NBEA: variants seen among roughly 807,000 people sequenced by gnomAD.
The protein encoded by NBEA is lysosomal-trafficking regulator 2.
In NBEA, 44 loss-of-function variants were observed where a neutral mutation model predicts 343.4. That is an observed-to-expected ratio of 0.13 (90% confidence interval 0.10 to 0.16). The LOEUF (loss-of-function observed/expected upper bound fraction) is 0.16, where lower values mean the gene tolerates loss of function less well. Among genes scored for constraint, NBEA ranks in the 10% least tolerant of loss-of-function variants. NBEA has a pLI of 1.00. For missense variants in NBEA, 2,555 were observed against 3,631.3 expected, an observed-to-expected ratio of 0.70 and a Z score of 7.62; for synonymous variants, 1,175 against 1,238.7, an observed-to-expected ratio of 0.95 and a Z score of 1.08.
chr13:35,230,252 A>G (rs1555342068), intron 33 of NBEA, among the ~76,000 whole-genome samples: 1 of 152,100 alleles, frequency 6.6e-6, no homozygotes, highest in Non-Finnish European at 1.5e-5. Context: ...GGATTAATTG[A>G]AGTTCTATTT....
rs1201783216 is a variant in NBEA, at chr13:35,546,662, C to T, written c.6586-3815C>T. Reference sequence around the variant, plus strand: ...CTGCCTCCCGGATTCAAGCAATTCTCCTGCCGCAGCCTCCCAAGTAGCTGG... The same window carrying T: ...CTGCCTCCCGGATTCAAGCAATTCTTCTGCCGCAGCCTCCCAAGTAGCTGG... On this transcript the variant is annotated intron_variant, in intron 41 of 58. Transcript: ENST00000379939. Among the ~76,000 whole-genome samples, 4 of 151,602 alleles carry T rather than the reference C, an allele frequency of 2.6e-5. No individual in the cohort carries two copies. The East Asian group carries it at 7.8e-4, about 30-fold the overall frequency.
At position 35,195,845 on chromosome 13, in the gene NBEA, C is replaced by A; in HGVS notation, c.4928-19C>A. The A allele has an allele frequency of 1.9e-6, 3 of 1,538,650 alleles. No individual in the cohort carries two copies. Among genetic ancestry groups the A allele is most frequent in the Non-Finnish European group, 2.6e-6 (3 of 1,146,086 alleles). On this transcript the variant is annotated intron_variant, in intron 30 of 58. Coordinates refer to ENST00000379939, the MANE Select transcript of NBEA (RefSeq NM_001385012.1). ...TTTACTTTCAAAGCTTTTTTCTAAC[C>A]TAGTTTCTTTCATTACAGAAACACC...
intron 7 of NBEA, among the ~76,000 whole-genome samples, chr13:35,056,548 G>GA: frequency 6.6e-6 from 1 of 151,906 alleles, no homozygotes; most frequent in Admixed American, 6.6e-5. Context: ...GTGTAGGGAA[G>GA]GGAGAAGCAA....
At chr13:35,451,953 A>C (rs999352839) in intron 39 of NBEA, 139 bp from the exon 40 acceptor site, 1 of 664,452 alleles carries the variant, frequency 1.5e-6, no homozygotes, top group African/African-American at 1.8e-5. Flanking sequence ...CAAGATAAAG[A>C]AGGTTAAAAT....
intron 10 of NBEA, among the ~76,000 whole-genome samples, chr13:35,081,075 A>G (rs184001965): frequency 1.2e-3 from 176 of 152,256 alleles, no homozygotes; most frequent in Non-Finnish European, 1.5e-3. Flanking sequence ...CGAATGAAAT[A>G]TGTATACATA....
At chr13:35,356,978 A>G (rs1248046506) in intron 38 of NBEA, among the ~76,000 whole-genome samples, 1 of 152,142 alleles carries the variant, frequency 6.6e-6, no homozygotes, top group African/African-American at 2.4e-5. Context: ...TCTTCATAGC[A>G]CCTATCACTT....
intron 38 of NBEA, among the ~76,000 whole-genome samples, chr13:35,407,632 T>G (rs9544266): frequency 6.6e-6 from 1 of 151,968 alleles, no homozygotes; most frequent in South Asian, 2.1e-4. Context: ...GTCTGTCCAC[T>G]TTAACATTTC....
rs1175371425 is a variant in NBEA, at chr13:35,173,512, G to C, written c.4472G>C (p.Arg1491Thr). ...TGTTTAGAATGTCGGCAAAGACAGA[G>C]AGACAGGGGAAATAAATCTTCCCAT... Reference protein sequence around the residue: ...RNCLECRQRQRDRGNKSSHGS... With the variant: ...RNCLECRQRQTDRGNKSSHGS... The change falls in exon 27 of 59, where the codon AGA becomes ACA. Residue 1491 changes from arginine (R) to threonine (T), a missense_variant. By Grantham distance (71) the Arg-to-Thr change is moderately conservative (BLOSUM62 -1). This residue lies in a region of NBEA where 168 missense variants were observed against 193.0 expected (regional missense o/e 0.87). Coordinates refer to ENST00000379939, the MANE Select transcript of NBEA (RefSeq NM_001385012.1). 3 of 1,610,466 alleles carry C rather than the reference G, an allele frequency of 1.9e-6. No homozygotes were observed. The highest frequency in any genetic ancestry group is 2.5e-6 in the Non-Finnish European group (3 of 1,177,844).
chr13:35,199,634 T>C (rs1384622686), intron 31 of NBEA, among the ~76,000 whole-genome samples: 1 of 152,140 alleles, frequency 6.6e-6, no homozygotes, highest in Non-Finnish European at 1.5e-5. Flanking sequence ...TTGGAAATAA[T>C]TTCCTAGAAC....
intron 11 of NBEA, among the ~76,000 whole-genome samples, chr13:35,104,091 CT>C (rs1322861460): frequency 2.0e-5 from 3 of 151,784 alleles, no homozygotes; most frequent in Non-Finnish European, 4.4e-5. Context: ...GTCTTTTTGC[CT>C]TTTCCTTAAG....
chr13:35,369,214 G>T (rs991503674), intron 38 of NBEA, among the ~76,000 whole-genome samples: 1 of 140,046 alleles, frequency 7.1e-6, no homozygotes, highest in Non-Finnish European at 1.5e-5. Context: ...TTGAAAATCA[G>T]TTGGCTGTAA....
At chr13:35,490,121 C>A in intron 41 of NBEA, among the ~76,000 whole-genome samples, 1 of 151,782 alleles carries the variant, frequency 6.6e-6, no homozygotes, top group East Asian at 1.9e-4. Flanking sequence ...TTACTGAGGG[C>A]ACACTAGAAT....
intron 41 of NBEA, among the ~76,000 whole-genome samples, chr13:35,545,377 A>G (rs913996974): frequency 3.3e-5 from 5 of 152,036 alleles, no homozygotes; most frequent in African/African-American, 1.2e-4. Context: ...TGTGCCTCAA[A>G]TCTCACTCTG....
At chr13:35,585,184 C>T (rs1362856223) in intron 46 of NBEA, among the ~76,000 whole-genome samples, 1 of 123,448 alleles carries the variant, frequency 8.1e-6, no homozygotes, top group African/African-American at 3.0e-5. Context: ...TCTTTCCCAT[C>T]TCTCTCCCTG....
At chr13:35,331,440 G>A (rs907650677) in intron 36 of NBEA, among the ~76,000 whole-genome samples, 33 of 152,126 alleles carry the variant, frequency 2.2e-4, no homozygotes, top group African/African-American at 7.7e-4. Context: ...AAATTATAAT[G>A]CTGCTGAACA....
intron 38 of NBEA, among the ~76,000 whole-genome samples, chr13:35,362,498 A>G (rs1440004978): frequency 1.3e-5 from 2 of 151,970 alleles, no homozygotes; most frequent in Non-Finnish European, 2.9e-5. Flanking sequence ...AATGTGCTCT[A>G]CACTCAATGA....
chr13:35,352,093 A>G, intron 37 of NBEA, 64 bp from the exon 38 acceptor site: 1 of 1,000,296 alleles, frequency 1.0e-6, no homozygotes. Context: ...ACTTAAATGT[A>G]TATCATCCTT....
At chr13:35,361,437 G>A (rs1330742419) in intron 38 of NBEA, among the ~76,000 whole-genome samples, 1 of 152,072 alleles carries the variant, frequency 6.6e-6, no homozygotes, top group African/African-American at 2.4e-5. Flanking sequence ...CAATGTAGTG[G>A]AGAAATGATA....
rs367773665 is a variant in NBEA at position 34,983,708 on chromosome 13, G to A, written c.294+40594G>A. Among the ~76,000 whole-genome samples, 13 of 152,102 alleles carry A rather than the reference G, an allele frequency of 8.5e-5. No individual in the cohort carries two copies. In the East Asian group the frequency reaches 1.4e-3, roughly 16 times the overall value. On this transcript the variant is annotated intron_variant, in intron 1 of 58. Coordinates refer to ENST00000379939, the MANE Select transcript of NBEA (RefSeq NM_001385012.1). Reference sequence around the variant, plus strand: ...GTTGTTTCCTGACTTTCTAATGATCGCCATTCTAACTGGTGTGAGATGGTA... The same window carrying A: ...GTTGTTTCCTGACTTTCTAATGATCACCATTCTAACTGGTGTGAGATGGTA...
Sources: gnomAD v4.1 joint callset for allele counts (sites outside exome capture counted in the v4.1 genomes callset) on GRCh38, gnomAD v4.1.1 for gene constraint, gnomAD v4.1.1 regional missense constraint, MANE v1.5 for transcripts, NCBI Gene and HGNC (gene_info 2026-07-23, HGNC 2026-07-21) for gene names.